The following CNNM2 variants were observed in gnomAD, a reference collection of about 807,000 sequenced individuals.
CNNM2 encodes metal transporter CNNM2.
CNNM2 carries 12 observed loss-of-function variants against 66.9 expected under a neutral mutation model. That is an observed-to-expected ratio of 0.18 (90% CI 0.11 to 0.29). The LOEUF is 0.29. Among genes scored for constraint, CNNM2 ranks in the 10% least tolerant of loss-of-function variants. The pLI, the probability that CNNM2 is intolerant of heterozygous loss-of-function variation, is 1.00. For missense variants in CNNM2, 705 were observed against 1,167.7 expected (o/e 0.60, Z 5.77); for synonymous variants, 557 against 501.8 (o/e 1.11, Z -1.47).
At chr10:103,021,553 G>A (rs1325154292) in intron 1 of CNNM2, among the ~76,000 whole-genome samples, 2 of 152,174 alleles carry the variant, frequency 1.3e-5, no homozygotes, top group African/African-American at 2.4e-5. Flanking sequence ...CGAAACGCCA[G>A]AGTTCTGGCG....
chr10:103,013,750 G>C (rs958652886), intron 1 of CNNM2, among the ~76,000 whole-genome samples: 5 of 152,200 alleles, frequency 3.3e-5, no homozygotes, highest in African/African-American at 1.2e-4. Flanking sequence ...AAATAAAAAG[G>C]GTGCCTAGAT....
intron 1 of CNNM2, among the ~76,000 whole-genome samples, chr10:103,019,450 C>G (rs752060892): frequency 1.3e-5 from 2 of 152,024 alleles, no homozygotes; most frequent in Non-Finnish European, 2.9e-5. Flanking sequence ...AGACAGCTCT[C>G]CTAAGGCTTT....
chr10:102,959,564 A>G (rs1415728202), intron 1 of CNNM2, among the ~76,000 whole-genome samples: 2 of 152,070 alleles, frequency 1.3e-5, no homozygotes, highest in Non-Finnish European at 2.9e-5. Flanking sequence ...TGTAAGCCTC[A>G]GCTTCCTCAT....
chr10:103,073,001 G>T (rs1346895407), intron 6 of CNNM2, among the ~76,000 whole-genome samples: 1 of 152,250 alleles, frequency 6.6e-6, no homozygotes, highest in Non-Finnish European at 1.5e-5. Context: ...GAAGAATGTG[G>T]ACCTTTATTA....
At chr10:103,035,977 T>C (rs760668469) in intron 1 of CNNM2, among the ~76,000 whole-genome samples, 14 of 152,370 alleles carry the variant, frequency 9.2e-5, no homozygotes, top group Non-Finnish European at 1.8e-4. Flanking sequence ...TGTCTTCTTA[T>C]ACGCATCAGT....
intron 1 of CNNM2, among the ~76,000 whole-genome samples, chr10:102,968,456 A>G (rs563158085): frequency 1.9e-4 from 29 of 152,238 alleles, no homozygotes; most frequent in Non-Finnish European, 2.9e-4. Context: ...CATATTGACC[A>G]GGCTTGTCTC....
rs935599691 is a variant in CNNM2, at chr10:103,080,615, C to T, written c.*3435C>T. The T allele has an allele frequency of 1.3e-5, 2 of 152,220 alleles. No individual in the cohort carries two copies. The highest frequency in any genetic ancestry group is 2.4e-5 in the African/African-American group (1 of 41,544). The allele number at this position is 152,220 out of a possible 1,614,324, so 9.4% of individuals were successfully genotyped here. On this transcript the variant is annotated 3_prime_UTR_variant, in exon 8 of 8. Coordinates refer to ENST00000369878, the MANE Select transcript of CNNM2 (RefSeq NM_017649.5). ...AGTGGGAGGGAGTGGGGCATCTTAC[C>T]ATCTTCTAATGTGACTTCAAGGAAC...
intron 1 of CNNM2, among the ~76,000 whole-genome samples, chr10:103,006,575 G>T (rs1245246062): frequency 1.3e-5 from 2 of 152,098 alleles, no homozygotes; most frequent in South Asian, 4.1e-4. Context: ...TTTGCTAAAA[G>T]ATGGTTTTGG....
rs557953796 is a variant in CNNM2, at chr10:102,977,536, A to C, written c.1621+57435A>C. ...TGAAAAAATTTTTAAAAATTGTGTT[A>C]TTGGCTGGGCGCAGTGGCTCATGCC... On this transcript the variant is annotated intron_variant, in intron 1 of 7. Coordinates refer to ENST00000369878, the MANE Select transcript of CNNM2 (RefSeq NM_017649.5). Among the ~76,000 whole-genome samples, 4 of 152,264 alleles carry C rather than the reference A, an allele frequency of 2.6e-5. No individual in the cohort carries two copies. In the East Asian group the frequency reaches 5.8e-4, roughly 22 times the overall value.
intron 1 of CNNM2, among the ~76,000 whole-genome samples, chr10:102,920,382 T>C (rs553421705): frequency 9.2e-5 from 14 of 152,180 alleles, no homozygotes; most frequent in Non-Finnish European, 1.8e-4. Context: ...ATTTATTTTT[T>C]TTTTTTTGGT....
intron 2 of CNNM2, among the ~76,000 whole-genome samples, chr10:103,052,112 T>TAA (rs879864467): frequency 5.5e-5 from 8 of 145,204 alleles, no homozygotes; most frequent in South Asian, 4.4e-4. Flanking sequence ...CTGACTCTAC[T>TAA]AAAAAAAAAA....
chr10:102,927,350 A>G, intron 1 of CNNM2: 2 of 1,614,000 alleles, frequency 1.2e-6, no homozygotes, highest in Non-Finnish European at 1.7e-6. Context: ...CTCAGAACAC[A>G]CAAACAAGAA....
At chr10:102,956,076 A>G (rs1157306321) in intron 1 of CNNM2, among the ~76,000 whole-genome samples, 1 of 152,112 alleles carries the variant, frequency 6.6e-6, no homozygotes. Flanking sequence ...TCACCAGGTC[A>G]GGAGATCGAG....
At chr10:103,052,315 G>A (rs1409882131) in intron 2 of CNNM2, among the ~76,000 whole-genome samples, 1 of 151,330 alleles carries the variant, frequency 6.6e-6, no homozygotes, top group East Asian at 1.9e-4. Flanking sequence ...CCCAAACCGA[G>A]TGTGTCTGTA....
At position 103,039,217 on chromosome 10, in the gene CNNM2, C is replaced by T. The variant is rs544889651; in HGVS notation, c.1622-10490C>T. Among the ~76,000 whole-genome samples, 15 of 152,156 alleles carry T rather than the reference C, an allele frequency of 9.9e-5. No homozygotes were observed. The East Asian group carries it at 2.9e-3, about 29-fold the overall frequency. On this transcript the variant is annotated intron_variant, in intron 1 of 7. Coordinates refer to ENST00000369878, the MANE Select transcript of CNNM2 (RefSeq NM_017649.5). ...TGGAATGCATGGCGTGATCTCAGCT[C>T]ATTGCAGCCTCTACCTCCCAGATTC...
chr10:102,961,687 G>A (rs1304587142), intron 1 of CNNM2, among the ~76,000 whole-genome samples: 2 of 152,102 alleles, frequency 1.3e-5, no homozygotes, highest in Non-Finnish European at 2.9e-5. Context: ...CTTTGCAGTA[G>A]TTAATCTGAG....
intron 1 of CNNM2, among the ~76,000 whole-genome samples, chr10:102,962,142 G>T (rs1306526123): frequency 2.0e-5 from 3 of 152,060 alleles, no homozygotes; most frequent in African/African-American, 7.2e-5. Context: ...AAAGGGTGGG[G>T]AACAACACAC....
chr10:103,028,816 T>TTTTTTTTTTTC (rs2064761670), intron 1 of CNNM2, among the ~76,000 whole-genome samples: 1 of 71,366 alleles, frequency 1.4e-5, no homozygotes. Flanking sequence ...TTCTTTTTCT[T>TTTTTTTTTTTC]TTTTTTTTTT....
chr10:103,056,135 TCTC>T (rs1228456838), intron 3 of CNNM2, among the ~76,000 whole-genome samples: 2 of 151,906 alleles, frequency 1.3e-5, no homozygotes, highest in African/African-American at 2.4e-5. Flanking sequence ...TAAAACTAAA[TCTC>T]CTACTCTGCT....
Sources: allele counts gnomAD v4.1 joint callset (sites outside exome capture counted in the v4.1 genomes callset), GRCh38; gene constraint gnomAD v4.1.1; transcripts MANE v1.5; gene names NCBI Gene and HGNC (gene_info 2026-07-23, HGNC 2026-07-21).